Variants in CCDC192 observed in about 807,000 individuals in gnomAD.
The protein encoded by CCDC192 is coiled-coil domain containing 192.
intron 6 of CCDC192, among the ~76,000 whole-genome samples, chr5:127,926,525 G>A (rs4836343): frequency 0.044 from 6,762 of 152,212 alleles, 444 homozygotes; most frequent in East Asian, 0.29. Context: ...ATGACCTAAC[G>A]GGGGTGGAGA....
chr5:127,785,793 C>A, intron 3 of CCDC192: 1 of 305,212 alleles, frequency 3.3e-6, no homozygotes. Flanking sequence ...GCCAATGACT[C>A]ATGGGAGTTA....
intron 6 of CCDC192, among the ~76,000 whole-genome samples, chr5:127,902,652 T>C (rs550694144): frequency 6.6e-6 from 1 of 152,330 alleles, no homozygotes; most frequent in Admixed American, 6.5e-5. Flanking sequence ...TGCATGACTA[T>C]AAAGTGTGAA....
intron 5 of CCDC192, among the ~76,000 whole-genome samples, chr5:127,852,188 G>A (rs146602681): frequency 1.8e-4 from 27 of 152,038 alleles, no homozygotes; most frequent in African/African-American, 4.1e-4. Context: ...AATTATTCTC[G>A]TCAGTCTGGC....
At chr5:127,831,739 T>C (rs1749806790) in intron 5 of CCDC192, among the ~76,000 whole-genome samples, 1 of 152,122 alleles carries the variant, frequency 6.6e-6, no homozygotes, top group Non-Finnish European at 1.5e-5. Flanking sequence ...CACTTGAAAG[T>C]ATACATACAC....
chr5:127,858,923 CTT>C (rs1234930178), intron 5 of CCDC192, among the ~76,000 whole-genome samples: 1 of 134,988 alleles, frequency 7.4e-6, no homozygotes, highest in South Asian at 2.3e-4. Context: ...TTATTTGACA[CTT>C]TTGTGTGCTT....
chr5:127,805,890 A>C (rs1262233047), intron 5 of CCDC192, among the ~76,000 whole-genome samples: 1 of 152,166 alleles, frequency 6.6e-6, no homozygotes, highest in Non-Finnish European at 1.5e-5. Flanking sequence ...GAAAGATTGA[A>C]TATCATAGAA....
intron 2 of CCDC192, among the ~76,000 whole-genome samples, chr5:127,715,409 C>T (rs1466465763): frequency 1.3e-5 from 2 of 152,154 alleles, no homozygotes; most frequent in African/African-American, 2.4e-5. Context: ...TTATTGGCAA[C>T]TTTGTTGAAG....
intron 3 of CCDC192, among the ~76,000 whole-genome samples, chr5:127,772,397 G>T (rs1222730178): frequency 6.6e-6 from 1 of 151,156 alleles, no homozygotes; most frequent in African/African-American, 2.4e-5. Context: ...TTGGGGGGGT[G>T]CGGACGTTGA....
At chr5:127,788,798 A>G (rs1756706866) in intron 3 of CCDC192, among the ~76,000 whole-genome samples, 1 of 151,980 alleles carries the variant, frequency 6.6e-6, no homozygotes, top group Non-Finnish European at 1.5e-5. Context: ...CAATTGCTGT[A>G]TTGCTATGGA....
intron 5 of CCDC192, among the ~76,000 whole-genome samples, chr5:127,843,327 C>T (rs929567322): frequency 2.0e-5 from 3 of 151,960 alleles, no homozygotes; most frequent in African/African-American, 4.8e-5. Context: ...CGTGAGCCAT[C>T]GCAGCCAGCC....
At chr5:127,905,328 C>A (rs1164249528) in intron 6 of CCDC192, among the ~76,000 whole-genome samples, 1 of 152,110 alleles carries the variant, frequency 6.6e-6, no homozygotes, top group African/African-American at 2.4e-5. Flanking sequence ...TCCCTCTATG[C>A]ATAATAAGGA....
intron 5 of CCDC192, among the ~76,000 whole-genome samples, chr5:127,854,064 T>A (rs1750938832): frequency 6.6e-6 from 1 of 152,190 alleles, no homozygotes; most frequent in Non-Finnish European, 1.5e-5. Flanking sequence ...GCACTGTTGA[T>A]CACACCCTTC....
intron 6 of CCDC192, among the ~76,000 whole-genome samples, chr5:127,902,393 T>G (rs1753061691): frequency 6.6e-6 from 1 of 151,874 alleles, no homozygotes; most frequent in East Asian, 1.9e-4. Context: ...GTCCTGACAT[T>G]CACAACATGT....
intron 6 of CCDC192, among the ~76,000 whole-genome samples, chr5:127,938,192 C>T (rs1245352330): frequency 2.6e-5 from 4 of 152,156 alleles, no homozygotes; most frequent in Non-Finnish European, 5.9e-5. Flanking sequence ...TACTGTCAGT[C>T]ACGGATACAA....
At chr5:127,711,814 T>G (rs1470636449) in intron 2 of CCDC192, among the ~76,000 whole-genome samples, 1 of 152,150 alleles carries the variant, frequency 6.6e-6, no homozygotes, top group African/African-American at 2.4e-5. Context: ...ATAGGTTAAT[T>G]TTTTTACCAC....
At chr5:127,827,048 A>G (rs1045214023) in intron 5 of CCDC192, among the ~76,000 whole-genome samples, 3 of 152,160 alleles carry the variant, frequency 2.0e-5, no homozygotes, top group Non-Finnish European at 2.9e-5. Flanking sequence ...GATAATATGG[A>G]AATGCTGAAT....
intron 6 of CCDC192, among the ~76,000 whole-genome samples, chr5:127,899,169 G>A (rs568901285): frequency 1.3e-5 from 2 of 152,134 alleles, no homozygotes; most frequent in Non-Finnish European, 1.5e-5. Flanking sequence ...TGCGTTTTTG[G>A]GGGGAGTGAA....
At chr5:127,889,755 CCAG>C (rs1752677074) in intron 6 of CCDC192, among the ~76,000 whole-genome samples, 1 of 152,226 alleles carries the variant, frequency 6.6e-6, no homozygotes, top group Admixed American at 6.5e-5. Flanking sequence ...GCACGCTGGG[CCAG>C]CACCTGGCCC....
intron 5 of CCDC192, among the ~76,000 whole-genome samples, chr5:127,868,931 C>T (rs1228039871): frequency 2.0e-5 from 3 of 152,102 alleles, no homozygotes; most frequent in Admixed American, 1.3e-4. Context: ...TGTGACTCAC[C>T]ATGTCACTTT....
Sources: allele counts gnomAD v4.1 joint callset (sites outside exome capture counted in the v4.1 genomes callset), GRCh38; gene constraint gnomAD v4.1.1; transcripts MANE v1.5; gene names NCBI Gene and HGNC (gene_info 2026-07-23, HGNC 2026-07-21).